SUMF1: variants seen among roughly 807,000 people sequenced by gnomAD.
SUMF1 encodes the protein formylglycine-generating enzyme.
Under a neutral mutation model 47.6 loss-of-function variants are expected in SUMF1, and 48 were observed. That is an observed-to-expected ratio of 1.01 (90% CI 0.80 to 1.28). SUMF1 has a LOEUF of 1.28. Ranked by LOEUF, SUMF1 falls within the 50% of genes most tolerant of loss-of-function variation. SUMF1 has a pLI of 0.00. For missense variants in SUMF1, 571 were observed against 485.4 expected (o/e 1.18, Z -1.66); for synonymous variants, 230 against 192.1 (o/e 1.20, Z -1.63).
At chr3:4,423,270 A>T (rs1489665877) in intron 3 of SUMF1, among the ~76,000 whole-genome samples, 1 of 131,014 alleles carries the variant, frequency 7.6e-6, no homozygotes, top group Non-Finnish European at 1.6e-5. Flanking sequence ...GTGAATAAAG[A>T]AACTGTGATA....
chr3:4,035,104 G>A (rs1271321051), intron 9 of SUMF1, among the ~76,000 whole-genome samples: 2 of 152,062 alleles, frequency 1.3e-5, no homozygotes, highest in Non-Finnish European at 2.9e-5. Context: ...ATAATAAAGT[G>A]GGGGACATTT....
At chr3:4,416,234 G>A (rs1362060044) in intron 6 of SUMF1, among the ~76,000 whole-genome samples, 1 of 151,954 alleles carries the variant, frequency 6.6e-6, no homozygotes, top group Non-Finnish European at 1.5e-5. Context: ...TCACTGCTGG[G>A]AATCTAATCT....
At chr3:4,102,524 C>G (rs1458847726) in intron 8 of SUMF1, among the ~76,000 whole-genome samples, 1 of 152,118 alleles carries the variant, frequency 6.6e-6, no homozygotes, top group Non-Finnish European at 1.5e-5. Flanking sequence ...TAATTTCTAG[C>G]CATTTGTCAA....
rs528237823 is a variant in SUMF1 at position 4,416,132 on chromosome 3, A to G, written c.840+996T>C. ...GTGAGAAAAGATTTCTTATACACCA[A>G]TAGAGGAAAACATGCCCCAAGCATT... is the stretch of plus-strand genomic sequence containing the variant. On this transcript the variant is annotated intron_variant, in intron 6 of 8. Transcript: ENST00000272902. 2.0e-5 allele frequency among the ~76,000 whole-genome samples: 3 copies of G among 152,342 alleles called. No individual in the cohort carries two copies. The South Asian group carries it at 6.2e-4, about 32-fold the overall frequency.
intron 8 of SUMF1, among the ~76,000 whole-genome samples, chr3:4,225,661 A>G (rs1159397924): frequency 6.6e-6 from 1 of 152,116 alleles, no homozygotes; most frequent in Admixed American, 6.6e-5. Flanking sequence ...AGATCAATCC[A>G]CGTCTCAGTG....
chr3:4,046,246 G>C (rs1043250674), intron 9 of SUMF1, among the ~76,000 whole-genome samples: 1 of 152,152 alleles, frequency 6.6e-6, no homozygotes, highest in Non-Finnish European at 1.5e-5. Context: ...CCCAAGTCGT[G>C]AGTTGAATGA....
At chr3:4,134,564 G>A (rs990416796) in intron 8 of SUMF1, among the ~76,000 whole-genome samples, 3 of 151,970 alleles carry the variant, frequency 2.0e-5, no homozygotes, top group Admixed American at 6.6e-5. Context: ...AAGAACTAGA[G>A]AAGCAAGAGC....
chr3:4,323,845 A>G (rs1480392556), intron 8 of SUMF1, among the ~76,000 whole-genome samples: 3 of 152,202 alleles, frequency 2.0e-5, no homozygotes, highest in African/African-American at 7.2e-5. Flanking sequence ...AGAAGTGCTC[A>G]GTCAGATAGA....
intron 8 of SUMF1, among the ~76,000 whole-genome samples, chr3:4,220,708 C>G (rs1003516320): frequency 6.6e-6 from 1 of 152,082 alleles, no homozygotes; most frequent in African/African-American, 2.4e-5. Flanking sequence ...CACAGACTTG[C>G]TATAGGACCT....
chr3:4,365,445 G>A (rs567119828), intron 8 of SUMF1, among the ~76,000 whole-genome samples: 5 of 126,470 alleles, frequency 4.0e-5, no homozygotes, highest in Non-Finnish European at 9.3e-5. Flanking sequence ...TCTTGTTGTT[G>A]AATTGATCCC....
intron 8 of SUMF1, among the ~76,000 whole-genome samples, chr3:4,151,182 G>A (rs1189722490): frequency 6.7e-6 from 1 of 149,326 alleles, no homozygotes; most frequent in Admixed American, 6.6e-5. Flanking sequence ...ACACATACAT[G>A]CAAATATATA....
intron 8 of SUMF1, among the ~76,000 whole-genome samples, chr3:4,078,173 G>T (rs564649577): frequency 6.6e-6 from 1 of 152,158 alleles, no homozygotes; most frequent in South Asian, 2.1e-4. Flanking sequence ...TGAAAGCAGG[G>T]TTCAAAAGTG....
intron 8 of SUMF1, among the ~76,000 whole-genome samples, chr3:4,226,451 G>A (rs985628670): frequency 2.0e-5 from 3 of 151,484 alleles, no homozygotes; most frequent in African/African-American, 4.8e-5. Flanking sequence ...TGTCTTTTTA[G>A]TAGAGACGGG....
At chr3:4,112,625 T>C (rs866563922) in intron 8 of SUMF1, among the ~76,000 whole-genome samples, 4 of 152,258 alleles carry the variant, frequency 2.6e-5, no homozygotes, top group African/African-American at 9.6e-5. Flanking sequence ...CCACTTTAGC[T>C]AGTCTGGAGT....
chr3:4,116,164 G>A (rs367549885), intron 8 of SUMF1, among the ~76,000 whole-genome samples: 10 of 152,196 alleles, frequency 6.6e-5, no homozygotes, highest in African/African-American at 2.2e-4. Context: ...GACACAAAGA[G>A]GTTGTGTGAC....
chr3:4,147,186 G>A (rs949023485), intron 8 of SUMF1, among the ~76,000 whole-genome samples: 3 of 152,066 alleles, frequency 2.0e-5, no homozygotes, highest in South Asian at 2.1e-4. Flanking sequence ...AGAGGATGTG[G>A]GGAAATAGGA....
At chr3:4,139,825 G>A (rs902148028) in intron 8 of SUMF1, among the ~76,000 whole-genome samples, 2 of 151,638 alleles carry the variant, frequency 1.3e-5, no homozygotes, top group Non-Finnish European at 2.9e-5. Flanking sequence ...TTGAAAAATA[G>A]TATAGACCAG....
chr3:4,250,634 C>T (rs1453096781), intron 8 of SUMF1, among the ~76,000 whole-genome samples: 3 of 152,140 alleles, frequency 2.0e-5, no homozygotes, highest in African/African-American at 7.2e-5. Context: ...TAGGCAGACT[C>T]TCTTGTTAGA....
chr3:4,194,800 T>G (rs567875007), intron 8 of SUMF1, among the ~76,000 whole-genome samples: 1 of 152,286 alleles, frequency 6.6e-6, no homozygotes, highest in East Asian at 1.9e-4. Flanking sequence ...ATTAATACGG[T>G]CAATACAGTT....
Sources: gnomAD v4.1 joint callset for allele counts (sites outside exome capture counted in the v4.1 genomes callset) on GRCh38, gnomAD v4.1.1 for gene constraint, MANE v1.5 for transcripts, NCBI Gene and HGNC (gene_info 2026-07-23, HGNC 2026-07-21) for gene names.